The following STK36 variants were observed in gnomAD, a reference collection of about 807,000 sequenced individuals.
STK36 encodes serine/threonine-protein kinase 36.
Under a neutral mutation model 142.2 loss-of-function variants are expected in STK36, and 116 were observed. The observed-to-expected ratio is 0.82, with a 90% CI of 0.70 to 0.95. The LOEUF is 0.95. STK36 is among the 40% of genes least tolerant of loss of function. The pLI, the probability that STK36 is intolerant of heterozygous loss-of-function variation, is 0.00. For synonymous variants in STK36, 619 were observed against 641.7 expected (o/e 0.96, Z 0.53); for missense variants, 1,422 against 1,617.2 (o/e 0.88, Z 2.07).
chr2:218,693,100 T>G, intron 16 of STK36, 140 bp from the exon 17 acceptor site: 1 of 732,670 alleles, frequency 1.4e-6, no homozygotes, highest in South Asian at 1.9e-5. Flanking sequence ...AGACTGGGAA[T>G]AGAATGGGGT....
rs1324293452 is a variant in STK36 at position 218,699,211 on chromosome 2, G to A, written c.3667G>A (p.Gly1223Ser). 1 of 1,614,046 alleles carries A rather than the reference G, an allele frequency of 6.2e-7. No homozygotes were observed. The highest frequency in any genetic ancestry group is 2.2e-5 in the East Asian group (1 of 44,856). The change falls in exon 26 of 27, where the codon GGT becomes AGT. Residue 1223 changes from glycine to serine, a missense_variant. Gly to Ser is a moderately conservative substitution (Grantham distance 56). Around this residue, in one of 2 missense-constraint regions of STK36, gnomAD observed 962 missense variants for 1,167.5 expected, o/e 0.82. Transcript: ENST00000295709. Reference protein sequence around the residue: ...ASALGNLGPEGLGEELLQCEV... With the variant: ...ASALGNLGPESLGEELLQCEV... ...AGCTCTGGGCAACTTGGGACCTGAA[G>A]GTTTGGGAGAGGAGCTGTTACAGTG... is the stretch of plus-strand genomic sequence containing the variant.
chr2:218,679,417 C>G, intron 7 of STK36, 143 bp from the exon 8 acceptor site: 2 of 1,298,654 alleles, frequency 1.5e-6, no homozygotes, highest in Non-Finnish European at 2.1e-6. Flanking sequence ...TGCCACTTCC[C>G]TTACAACCCA....
At chr2:218,696,963 G>A (rs1388132295) in intron 22 of STK36, 76 bp from the exon 23 acceptor site, 1 of 1,578,424 alleles carries the variant, frequency 6.3e-7, no homozygotes, top group Admixed American at 1.7e-5. Context: ...TTGTAAGTCA[G>A]GGACAGGAAT....
At chr2:218,675,609 C>T in intron 5 of STK36, 136 bp downstream of exon 5, 1 of 1,092,000 alleles carries the variant, frequency 9.2e-7, no homozygotes, top group Non-Finnish European at 1.3e-6. Flanking sequence ...ACCACAACCT[C>T]TGCCTCCCGG....
At chr2:218,696,940 G>C (rs1280029893) in intron 22 of STK36, 99 bp from the exon 23 acceptor site, 5 of 1,482,310 alleles carry the variant, frequency 3.4e-6, no homozygotes, top group South Asian at 1.1e-5. Context: ...ATTATTTCTG[G>C]GACTTCCTTT....
chr2:218,674,371 G>A (rs1940137791), intron 4 of STK36, among the ~76,000 whole-genome samples: 1 of 152,288 alleles, frequency 6.6e-6, no homozygotes, highest in Non-Finnish European at 1.5e-5. Flanking sequence ...AATGGTACCA[G>A]AAAGAGGGCA....
chr2:218,695,170 C>T (rs949402546), intron 21 of STK36, among the ~76,000 whole-genome samples: 2 of 150,704 alleles, frequency 1.3e-5, no homozygotes, highest in African/African-American at 2.4e-5. Flanking sequence ...ACTCATCTTT[C>T]CTTCATTTTG....
At chr2:218,684,810 C>A in intron 10 of STK36, 1 of 316,700 alleles carries the variant, frequency 3.2e-6, no homozygotes, top group Non-Finnish European at 5.8e-6. Context: ...ATGATCTTTT[C>A]CTTTTTAAAA....
At chr2:218,681,040 T>C (rs560132674) in intron 10 of STK36, among the ~76,000 whole-genome samples, 9 of 152,144 alleles carry the variant, frequency 5.9e-5, no homozygotes, top group Admixed American at 5.9e-4. Flanking sequence ...CATTACTGAG[T>C]TTTATTATAT....
chr2:218,680,796 A>C, intron 10 of STK36, 94 bp downstream of exon 10: 1 of 986,510 alleles, frequency 1.0e-6, no homozygotes, highest in Non-Finnish European at 1.5e-6. Flanking sequence ...CAACTCCCTA[A>C]GTATGAGCTC....
rs549273991 is a variant in STK36 at position 218,676,871 on chromosome 2, T to C, written c.684+593T>C. On this transcript the variant is annotated intron_variant, in intron 6 of 26. Coordinates refer to ENST00000295709, the MANE Select transcript of STK36 (RefSeq NM_015690.5). ...TTCACCGTGTTAGCCAGCATGGTCT[T>C]GATCTCCTGACCTCGTGACTCGCCT... Among the ~76,000 whole-genome samples, 6 of 152,152 alleles carry C rather than the reference T, an allele frequency of 3.9e-5. No homozygotes were observed. The South Asian group carries it at 1.2e-3, about 32-fold the overall frequency.
At chr2:218,690,094 T>A in intron 13 of STK36, 138 bp downstream of exon 13, 1 of 813,834 alleles carries the variant, frequency 1.2e-6, no homozygotes, top group Non-Finnish European at 2.0e-6. Context: ...GAGTGGCCAC[T>A]CATAGTCCTT....
At chr2:218,688,599 C>T in intron 11 of STK36, 98 bp from the exon 12 acceptor site, 5 of 1,360,904 alleles carry the variant, frequency 3.7e-6, no homozygotes, top group Non-Finnish European at 5.0e-6. Flanking sequence ...AGCATGTGGT[C>T]TGCTTTCCCA....
At position 218,701,890 on chromosome 2, in the gene STK36, G is replaced by T. The variant is rs772301439; in HGVS notation, c.3829G>T (p.Glu1277Ter). ...HQVLVSLGAS[E>*]KLSLLSLGNQ... is the part of the protein sequence containing the mutation. ...GGTACTGGTGTCCCTGGGTGCCAGT[G>T]AGAAACTATCCTTGCTCTCTCTGGG... Residue 1277 changes from glutamate to a stop codon, truncating the protein, a stop_gained, in exon 27 of 27, where the codon GAG (glutamate) becomes TAG (stop). Transcript: ENST00000295709. LOFTEE classifies it high-confidence loss of function. The T allele has an allele frequency of 6.2e-7, 1 of 1,614,144 alleles. No individual in the cohort carries two copies. Among genetic ancestry groups the T allele is most frequent in the Admixed American group, 1.7e-5 (1 of 60,008 alleles).
intron 11 of STK36, among the ~76,000 whole-genome samples, chr2:218,685,796 T>C (rs1482927475): frequency 6.6e-6 from 1 of 152,190 alleles, no homozygotes. Flanking sequence ...TATATCACTT[T>C]ATTCAGGTAT....
Position 218,694,428 on chromosome 2 carries a change from A to T in STK36, c.2401-97A>T, listed in dbSNP as rs1490683853. ...CCAATTTGCATCTGTTTCTGGAGGC[A>T]TTCTTTTGGACCAGGACAGAGACAT... On this transcript the variant is annotated intron_variant, in intron 20 of 26. Coordinates refer to ENST00000295709, the MANE Select transcript of STK36 (RefSeq NM_015690.5). The surrounding 1 kb of genome is among the most constrained non-coding windows in gnomAD (Gnocchi z 4.4). 3.9e-6 allele frequency: 6 copies of T among 1,519,252 alleles called. No individual in the cohort carries two copies. The highest frequency in any genetic ancestry group is 5.5e-6 in the Non-Finnish European group (6 of 1,094,510). The allele number at this position is 1,519,252 out of a possible 1,614,324, so 94.1% of individuals were successfully genotyped here. A position where few individuals can be genotyped will look rare whatever the true frequency, so the allele number is the denominator to read the frequency against.
chr2:218,672,802 C>T lies in STK36; in HGVS notation c.-28C>T. On this transcript the variant is annotated 5_prime_UTR_variant, in exon 2 of 27. Transcript: ENST00000295709. ...AGCTCTTCACCGTCTCTACTTTCTT[C>T]CTTCTAAGAGATCCTGAAACCTCTG... The T allele has an allele frequency of 1.2e-6, 2 of 1,611,112 alleles. No homozygotes were observed. Among genetic ancestry groups the T allele is most frequent in the Non-Finnish European group, 1.7e-6 (2 of 1,177,342 alleles).
Position 218,690,535 on chromosome 2 carries a change from T to C in STK36, c.1744T>C (p.Leu582=), listed in dbSNP as rs1940959829. 6.2e-7 allele frequency: 1 copy of C among 1,614,170 alleles called. No homozygotes were observed. The change falls in exon 14 of 27, where the codon TTG becomes CTG. Residue 582 remains leucine (L), a synonymous_variant. Coordinates refer to ENST00000295709, the MANE Select transcript of STK36 (RefSeq NM_015690.5). ...LAQPDDSEQT[L]RRDSLMCFTV... Reference sequence around the variant, plus strand: ...CCAACCAGATGACTCTGAGCAGACTTTGCGGAGGGACAGCCTTATGGTAAT... The same window carrying C: ...CCAACCAGATGACTCTGAGCAGACTCTGCGGAGGGACAGCCTTATGGTAAT...
At position 218,697,033 on chromosome 2, in the gene STK36, C is replaced by T. The variant is rs1457907572; in HGVS notation, c.2587-6C>T. 7 of 1,613,350 alleles carry T rather than the reference C, an allele frequency of 4.3e-6. No individual in the cohort carries two copies. Among genetic ancestry groups the T allele is most frequent in the Admixed American group, 1.7e-5 (1 of 59,900 alleles). On this transcript the variant is annotated splice_polypyrimidine_tract_variant and splice_region_variant and intron_variant, in intron 22 of 26. Coordinates refer to ENST00000295709, the MANE Select transcript of STK36 (RefSeq NM_015690.5). ...TCCCCCCGCCCTCTTTCACTTTTAT[C>T]TCTAGCAGGGGAAGGCTAGCCTAAT...
Sources: gnomAD v4.1 joint callset for allele counts (sites outside exome capture counted in the v4.1 genomes callset) on GRCh38, gnomAD v4.1.1 for gene constraint, gnomAD v4.1.1 regional missense constraint, Gnocchi (gnomAD v3.1) non-coding constraint, MANE v1.5 for transcripts, NCBI Gene and HGNC (gene_info 2026-07-23, HGNC 2026-07-21) for gene names.